Variants in ECT2 observed in about 807,000 individuals in gnomAD.
ECT2 encodes the protein epithelial cell transforming 2.
Under a neutral mutation model 116.9 loss-of-function variants are expected in ECT2, and 61 were observed. That is an observed-to-expected ratio of 0.52 (90% confidence interval 0.42 to 0.65). The LOEUF is 0.65. Among genes scored for constraint, ECT2 ranks in the 30% least tolerant of loss-of-function variants. ECT2 has a pLI of 0.00. For missense variants in ECT2, 937 were observed against 1,078.7 expected (o/e 0.87, Z 1.84); for synonymous variants, 358 against 346.4 (o/e 1.03, Z -0.37).
rs766793430 is a variant in ECT2, at chr3:172,764,374, C to T, written c.1165C>T (p.Gln389Ter). 1.2e-6 allele frequency: 2 copies of T among 1,614,144 alleles called. No individual in the cohort carries two copies. Among genetic ancestry groups the T allele is most frequent in the Non-Finnish European group, 1.7e-6 (2 of 1,179,994 alleles). Residue 389 changes from glutamine (Q) to a stop codon, truncating the protein, a stop_gained, in exon 12 of 25, where the codon CAG becomes TAG. Coordinates refer to ENST00000392692, the MANE Select transcript of ECT2 (RefSeq NM_001258315.2). LOFTEE classifies it high-confidence loss of function. ...ACGTCGTTTAAAAGAAACACTTGCT[C>T]AGCTTTCAAGAGAGACAGACGTGTC... is the stretch of plus-strand genomic sequence containing the variant. ...KRRRLKETLA[Q>*]LSRETDVSPF...
At chr3:172,756,767 T>A (rs551184615) in intron 4 of ECT2, among the ~76,000 whole-genome samples, 1 of 152,262 alleles carries the variant, frequency 6.6e-6, no homozygotes, top group African/African-American at 2.4e-5. Context: ...GAACTTAATT[T>A]GAATGGAGAT....
chr3:172,771,366 C>T (rs548557518), intron 13 of ECT2: 2 of 152,110 alleles, frequency 1.3e-5, no homozygotes, highest in South Asian at 4.1e-4. Context: ...TTTAGCTTGT[C>T]GTTACTATTA....
intron 18 of ECT2, among the ~76,000 whole-genome samples, chr3:172,797,391 A>C (rs574274692): frequency 3.9e-5 from 6 of 151,952 alleles, no homozygotes; most frequent in Non-Finnish European, 8.8e-5. Flanking sequence ...ATACATTGTT[A>C]CCTTTTGCTT....
chr3:172,767,115 A>C (rs1576877365), intron 12 of ECT2, among the ~76,000 whole-genome samples: 2 of 152,296 alleles, frequency 1.3e-5, no homozygotes. Context: ...ATGTTTGACA[A>C]GTGGGAAATT....
intron 18 of ECT2, among the ~76,000 whole-genome samples, chr3:172,795,668 A>G (rs1034318899): frequency 6.6e-6 from 1 of 152,210 alleles, no homozygotes. Flanking sequence ...TAATGAATCT[A>G]GGCATAATTG....
chr3:172,797,322 A>C (rs1423382633), intron 18 of ECT2, among the ~76,000 whole-genome samples: 1 of 152,020 alleles, frequency 6.6e-6, no homozygotes, highest in Non-Finnish European at 1.5e-5. Flanking sequence ...AATGTAAGCC[A>C]CCATGCCCTG....
At chr3:172,812,633 T>C (rs948080994) in intron 22 of ECT2, among the ~76,000 whole-genome samples, 2 of 152,184 alleles carry the variant, frequency 1.3e-5, no homozygotes, top group Admixed American at 1.3e-4. Context: ...GTACATGTTT[T>C]GGGGTAAAGT....
intron 18 of ECT2, among the ~76,000 whole-genome samples, chr3:172,802,394 C>T (rs1347926289): frequency 6.6e-6 from 1 of 152,032 alleles, no homozygotes; most frequent in Non-Finnish European, 1.5e-5. Context: ...ATTACAGGCG[C>T]AAGTCACCGC....
At chr3:172,819,555 A>C (rs1415603315) in intron 24 of ECT2, among the ~76,000 whole-genome samples, 2 of 152,078 alleles carry the variant, frequency 1.3e-5, no homozygotes, top group Non-Finnish European at 2.9e-5. Context: ...TAAGTTGCCC[A>C]GTCTGGTCTC....
intron 18 of ECT2, among the ~76,000 whole-genome samples, chr3:172,796,855 C>T (rs1003907655): frequency 4.6e-5 from 7 of 151,920 alleles, no homozygotes; most frequent in African/African-American, 1.5e-4. Context: ...TATGAGGTTT[C>T]GCTATGTTGG....
At chr3:172,783,981 A>T in intron 16 of ECT2, 72 bp downstream of exon 16, 1 of 1,089,980 alleles carries the variant, frequency 9.2e-7, no homozygotes, top group Non-Finnish European at 1.3e-6. Flanking sequence ...TATGACAAAA[A>T]TGAAGTAAAT....
At chr3:172,784,347 C>G (rs6796794) in intron 16 of ECT2, among the ~76,000 whole-genome samples, 92,609 of 151,910 alleles carry the variant, frequency 0.61, 29,028 homozygotes, top group East Asian at 0.86. Flanking sequence ...TTTCCAGTGA[C>G]ATTTGTTTTG....
chr3:172,782,918 C>G (rs137880449), intron 15 of ECT2, among the ~76,000 whole-genome samples: 2,416 of 152,042 alleles, frequency 0.016, 28 homozygotes, highest in Non-Finnish European at 0.022. Flanking sequence ...TGTATATGTA[C>G]CACATTTTCT....
intron 1 of ECT2, among the ~76,000 whole-genome samples, chr3:172,753,113 A>G (rs1248568896): frequency 6.6e-6 from 1 of 151,760 alleles, no homozygotes; most frequent in East Asian, 1.9e-4. Flanking sequence ...ATTTTTTTAG[A>G]GAGACAGGGT....
At position 172,773,928 on chromosome 3, in the gene ECT2, A is replaced by G. The variant is rs541472301; in HGVS notation, c.1454A>G (p.Glu485Gly). The G allele has an allele frequency of 1.2e-6, 2 of 1,613,502 alleles. No individual in the cohort carries two copies. Among genetic ancestry groups the G allele is most frequent in the African/African-American group, 2.7e-5 (2 of 74,990 alleles). ...IQLFQVPLEE[E>G]GQRGGPILAP... ...TTATTTCAAGTACCATTGGAAGAGG[A>G]AGGACAACGTGGTGGACCTATCCTT... The change falls in exon 14 of 25, where the codon GAA becomes GGA. Residue 485 changes from glutamate to glycine, a missense_variant. Physicochemically the swap from Glu to Gly is moderately conservative, Grantham distance 98 (BLOSUM62 -2). Transcript: ENST00000392692.
rs760097132 is a variant in ECT2, at chr3:172,757,044, C to T, written c.365C>T (p.Pro122Leu). ...GAAGAATTTGAAGGTTTGGATTCTC[C>T]GGAATTTGAAAATGTATTTGTAGTC... ...SVEEFEGLDS[P>L]EFENVFVVTD... Residue 122 changes from proline to leucine, a missense_variant, in exon 5 of 25, where the codon CCG becomes CTG. Pro to Leu is a moderately conservative substitution (Grantham distance 98). Transcript: ENST00000392692. 6.8e-6 allele frequency: 11 copies of T among 1,611,288 alleles called. No individual in the cohort carries two copies. The highest frequency in any genetic ancestry group is 3.4e-5 in the Admixed American group (2 of 59,396).
the ECT2 span, among the ~76,000 whole-genome samples, chr3:172,826,906 TTAA>T: frequency 6.6e-6 from 1 of 152,176 alleles, no homozygotes; most frequent in African/African-American, 2.4e-5. Flanking sequence ...TGCCAAGGAA[TTAA>T]TAATCAGAAT....
intron 18 of ECT2, among the ~76,000 whole-genome samples, chr3:172,797,204 A>AT (rs35016664): frequency 0.47 from 68,893 of 145,670 alleles, 18,293 homozygotes; most frequent in East Asian, 0.68. Flanking sequence ...TAATTTTTGT[A>AT]TTTTTTTTTT....
chr3:172,784,097 G>T (rs145964262), intron 16 of ECT2, among the ~76,000 whole-genome samples, 188 bp downstream of exon 16: 1 of 152,010 alleles, frequency 6.6e-6, no homozygotes, highest in Non-Finnish European at 1.5e-5. Flanking sequence ...AGTGTTAGGT[G>T]CCAGGAGGCA....
Sources: allele counts gnomAD v4.1 joint callset (sites outside exome capture counted in the v4.1 genomes callset), GRCh38; gene constraint gnomAD v4.1.1; transcripts MANE v1.5; gene names NCBI Gene and HGNC (gene_info 2026-07-23, HGNC 2026-07-21).